The following SNX13 variants were observed in gnomAD, a reference collection of about 807,000 sequenced individuals.
SNX13 encodes sorting nexin-13.
SNX13 carries 45 observed loss-of-function variants against 133.6 expected under a neutral mutation model. The ratio of observed to expected loss-of-function variants is 0.34; its 90% CI spans 0.27 to 0.43. The LOEUF is 0.43. Ranked by LOEUF, SNX13 falls within the 20% of genes least tolerant of loss-of-function variation. The pLI is 1.00. For synonymous variants in SNX13, 414 were observed against 373.9 expected (o/e 1.11, Z -1.24); for missense variants, 1,032 against 1,145.1 (o/e 0.90, Z 1.43).
chr7:17,873,866 T>A (rs1011303689), intron 7 of SNX13, among the ~76,000 whole-genome samples: 1 of 152,172 alleles, frequency 6.6e-6, no homozygotes, highest in South Asian at 2.1e-4. Context: ...CATAAAAAAA[T>A]TTCGTTACAA....
Position 17,833,943 on chromosome 7 carries a change from T to C in SNX13, c.1597+109A>G, listed in dbSNP as rs933394256. On this transcript the variant is annotated intron_variant, in intron 15 of 25. Coordinates refer to ENST00000428135, the MANE Select transcript of SNX13 (RefSeq NM_015132.5). The stretch of plus-strand genomic sequence containing the variant: ...TTGTAGATTTTTTAATATATTACAG[T>C]TTATATTTGGACTCCAACAACATTT... The C allele has an allele frequency of 5.4e-4, 413 of 764,502 alleles. 1 individual carries two copies. Among genetic ancestry groups the C allele is most frequent in the Non-Finnish European group, 4.1e-4 (222 of 545,846 alleles). 47.4% of individuals were successfully genotyped at this position (764,502 alleles called of 1,614,324 possible).
intron 1 of SNX13, among the ~76,000 whole-genome samples, chr7:17,915,062 G>A (rs1459425212): frequency 6.6e-6 from 1 of 151,992 alleles, no homozygotes; most frequent in Non-Finnish European, 1.5e-5. Flanking sequence ...AAAGATAGAG[G>A]GATTGCTATT....
chr7:17,916,003 C>T (rs528626648), intron 1 of SNX13, among the ~76,000 whole-genome samples: 95 of 152,288 alleles, frequency 6.2e-4, no homozygotes, highest in African/African-American at 2.1e-3. Flanking sequence ...ACCAAGATGA[C>T]TCTCAAAACC....
intron 1 of SNX13, among the ~76,000 whole-genome samples, chr7:17,929,362 A>C (rs1801137310): frequency 6.6e-6 from 1 of 152,122 alleles, no homozygotes; most frequent in South Asian, 2.1e-4. Context: ...ATTATGTGAA[A>C]AGATAAGCAA....
At chr7:17,888,781 C>A (rs1421364575) in intron 5 of SNX13, 2 of 469,430 alleles carry the variant, frequency 4.3e-6, no homozygotes, top group Non-Finnish European at 8.8e-6. Flanking sequence ...TTGATCCTGA[C>A]AATTATCCTG....
At chr7:17,895,485 C>T (rs553856682) in intron 2 of SNX13, among the ~76,000 whole-genome samples, 4 of 152,082 alleles carry the variant, frequency 2.6e-5, no homozygotes, top group Non-Finnish European at 5.9e-5. Context: ...ATAAACTATG[C>T]AAGTTAAAAA....
intron 1 of SNX13, among the ~76,000 whole-genome samples, chr7:17,929,185 G>A (rs1162750053): frequency 2.0e-5 from 3 of 152,000 alleles, no homozygotes; most frequent in Non-Finnish European, 4.4e-5. Context: ...CAAAGCATCA[G>A]TGACAAGAAA....
At chr7:17,934,007 G>T (rs1237203442) in intron 1 of SNX13, among the ~76,000 whole-genome samples, 1 of 152,190 alleles carries the variant, frequency 6.6e-6, no homozygotes, top group Non-Finnish European at 1.5e-5. Flanking sequence ...AAGTGATAAA[G>T]TTGAGACTCA....
rs560148033 is a variant in SNX13 at position 17,887,559 on chromosome 7, A to G, written c.440+2804T>C. On this transcript the variant is annotated intron_variant, in intron 5 of 25. Transcript: ENST00000428135. ...ATGATGTCATTTAATCCTAACAACC[A>G]CCTCATAAGGAGATATAAGTTATCA... Among the ~76,000 whole-genome samples, 3 of 152,262 alleles carry G rather than the reference A, an allele frequency of 2.0e-5. No homozygotes were observed. The East Asian group carries it at 5.8e-4, about 29-fold the overall frequency.
chr7:17,798,982 T>A, intron 23 of SNX13, 27 bp downstream of exon 23: 1 of 1,598,290 alleles, frequency 6.3e-7, no homozygotes, highest in South Asian at 1.1e-5. Context: ...TAAGATCAGA[T>A]TAAAAGCGAG....
chr7:17,886,136 CT>C (rs1396401747), intron 5 of SNX13, among the ~76,000 whole-genome samples: 1 of 152,076 alleles, frequency 6.6e-6, no homozygotes, highest in African/African-American at 2.4e-5. Context: ...ATTGGTAAAA[CT>C]TCAAGAACAC....
chr7:17,911,613 C>G (rs2691565), intron 1 of SNX13, among the ~76,000 whole-genome samples: 66,239 of 147,916 alleles, frequency 0.45, 15,036 homozygotes, highest in South Asian at 0.66. Context: ...ACTCCAGCCA[C>G]GGCAACAGAG....
intron 20 of SNX13, among the ~76,000 whole-genome samples, chr7:17,809,315 T>C (rs1186358255): frequency 7.0e-6 from 1 of 142,196 alleles, no homozygotes; most frequent in Admixed American, 6.9e-5. Context: ...AAAGCAGGTA[T>C]TGCAATCTTA....
intron 1 of SNX13, among the ~76,000 whole-genome samples, chr7:17,920,982 GAGA>G (rs1003170625): frequency 2.0e-5 from 3 of 152,158 alleles, no homozygotes; most frequent in African/African-American, 7.2e-5. Context: ...GCACTGGAGT[GAGA>G]AGAACAAATC....
intron 12 of SNX13, among the ~76,000 whole-genome samples, chr7:17,841,263 C>A (rs1789835615): frequency 6.6e-6 from 1 of 152,000 alleles, no homozygotes; most frequent in Admixed American, 6.6e-5. Flanking sequence ...TTGACTCCTA[C>A]AGTTTTACCT....
chr7:17,792,740 T>A lies in SNX13; in HGVS notation c.*1305A>T, dbSNP rs536850573. The A allele has an allele frequency of 6.6e-4, 101 of 152,434 alleles. No individual in the cohort carries two copies. Among genetic ancestry groups the A allele is most frequent in the African/African-American group, 2.4e-3 (98 of 41,512 alleles). 9.4% of individuals were successfully genotyped at this position (152,434 alleles called of 1,614,324 possible). ...CCAAACCCTTAGGCAATGAAAGTAT[T>A]TAAAACTATGCAGAAATCCTGCATA... On this transcript the variant is annotated 3_prime_UTR_variant, in exon 26 of 26. Coordinates refer to ENST00000428135, the MANE Select transcript of SNX13 (RefSeq NM_015132.5).
At chr7:17,917,910 A>T (rs1437879256) in intron 1 of SNX13, among the ~76,000 whole-genome samples, 1 of 152,124 alleles carries the variant, frequency 6.6e-6, no homozygotes, top group Non-Finnish European at 1.5e-5. Flanking sequence ...CCTGACTTAA[A>T]ACTATACAAG....
chr7:17,836,927 C>T (rs1789203489), intron 13 of SNX13, among the ~76,000 whole-genome samples: 1 of 151,894 alleles, frequency 6.6e-6, no homozygotes, highest in African/African-American at 2.4e-5. Flanking sequence ...GTCCATGATG[C>T]AGTAGGATAT....
intron 1 of SNX13, among the ~76,000 whole-genome samples, chr7:17,901,728 T>A (rs1254475972): frequency 1.3e-5 from 2 of 152,186 alleles, no homozygotes; most frequent in African/African-American, 4.8e-5. Context: ...CTTCCTACCA[T>A]CTTCAGTGCC....
Sources: gnomAD v4.1 joint callset for allele counts (sites outside exome capture counted in the v4.1 genomes callset) on GRCh38, gnomAD v4.1.1 for gene constraint, MANE v1.5 for transcripts, NCBI Gene and HGNC (gene_info 2026-07-23, HGNC 2026-07-21) for gene names.